Variants in TNR observed in about 807,000 individuals in gnomAD.
TNR encodes tenascin-R.
Under a neutral mutation model 150.4 loss-of-function variants are expected in TNR, and 45 were observed. That is an observed-to-expected ratio of 0.30 (90% CI 0.24 to 0.38). The LOEUF is 0.38. Ranked by LOEUF, TNR falls within the 10% of genes least tolerant of loss-of-function variation. The probability of loss-of-function intolerance (pLI) is 1.00; values close to 1 mark genes in which losing one functional copy is unlikely to be tolerated. For synonymous variants in TNR, 687 were observed against 678.4 expected (o/e 1.01, Z -0.20); for missense variants, 1,544 against 1,759.1 (o/e 0.88, Z 2.19).
intron 1 of TNR, among the ~76,000 whole-genome samples, chr1:175,676,161 A>G (rs1247964873): frequency 6.6e-6 from 1 of 152,162 alleles, no homozygotes; most frequent in Non-Finnish European, 1.5e-5. Flanking sequence ...TAGGGCAAGA[A>G]AGCTGCGATT....
chr1:175,493,682 T>C (rs1428944455), intron 2 of TNR, among the ~76,000 whole-genome samples: 1 of 152,242 alleles, frequency 6.6e-6, no homozygotes, highest in African/African-American at 2.4e-5. Flanking sequence ...TTGGTGTCTA[T>C]GTTTAGCTTC....
At chr1:175,363,378 C>A (rs1010933504) in intron 13 of TNR, among the ~76,000 whole-genome samples, 4 of 152,232 alleles carry the variant, frequency 2.6e-5, no homozygotes, top group African/African-American at 9.6e-5. Flanking sequence ...TCTTGAACTT[C>A]ATTCTTGTAG....
chr1:175,548,303 C>T (rs574298227), intron 1 of TNR, among the ~76,000 whole-genome samples: 1 of 152,076 alleles, frequency 6.6e-6, no homozygotes, highest in Admixed American at 6.6e-5. Context: ...AGAGGAAGCA[C>T]AGAGACCCTT....
At chr1:175,604,134 C>T (rs1663339502) in intron 1 of TNR, among the ~76,000 whole-genome samples, 2 of 151,990 alleles carry the variant, frequency 1.3e-5, no homozygotes, top group Admixed American at 1.3e-4. Context: ...CTTCCCCGCT[C>T]CCCTCTTCTA....
chr1:175,695,522 C>T (rs931069632), intron 1 of TNR, among the ~76,000 whole-genome samples: 9 of 152,296 alleles, frequency 5.9e-5, no homozygotes, highest in Non-Finnish European at 5.9e-5. Context: ...ATAATTAGTA[C>T]GGTTTGAGTC....
At chr1:175,364,327 C>CTTTT (rs71129505) in intron 12 of TNR, among the ~76,000 whole-genome samples, 1 of 142,522 alleles carries the variant, frequency 7.0e-6, no homozygotes, top group Non-Finnish European at 1.5e-5. Context: ...ATGCTATGGG[C>CTTTT]TTTTTTTTTT....
At chr1:175,377,835 C>T (rs1207497330) in intron 9 of TNR, among the ~76,000 whole-genome samples, 3 of 152,176 alleles carry the variant, frequency 2.0e-5, no homozygotes, top group Non-Finnish European at 4.4e-5. Flanking sequence ...TCTGTGAGCA[C>T]ATTGGCAGCT....
intron 22 of TNR, 87 bp from the exon 23 acceptor site, chr1:175,323,563 A>G (rs1393998650): frequency 1.3e-6 from 2 of 1,554,146 alleles, no homozygotes; most frequent in African/African-American, 1.4e-5. Flanking sequence ...GGAACAGGGA[A>G]TCCACAATGT....
intron 2 of TNR, among the ~76,000 whole-genome samples, chr1:175,463,757 C>A (rs997870810): frequency 2.0e-5 from 3 of 152,162 alleles, no homozygotes; most frequent in African/African-American, 4.8e-5. Flanking sequence ...TCAAGATTAC[C>A]CCTTCCCCAC....
At chr1:175,455,122 A>G (rs954623809) in intron 2 of TNR, among the ~76,000 whole-genome samples, 1 of 152,218 alleles carries the variant, frequency 6.6e-6, no homozygotes, top group African/African-American at 2.4e-5. Flanking sequence ...GAGTTATGCC[A>G]GCAGTGGGCC....
rs116884616 is a variant in TNR at position 175,589,617 on chromosome 1, G to A, written c.-164-61248C>T. 1.7e-3 allele frequency among the ~76,000 whole-genome samples: 259 copies of A among 152,184 alleles called. 4 individuals carry two copies. In the East Asian group the frequency reaches 0.042, roughly 25 times the overall value. ...ATTTTAAGTTAAGACAGAATCAGAG[G>A]CTGGATAAAGAAAATGTGGCACATA... On this transcript the variant is annotated intron_variant, in intron 1 of 22. Coordinates refer to ENST00000367674, the MANE Select transcript of TNR (RefSeq NM_003285.3).
intron 2 of TNR, among the ~76,000 whole-genome samples, chr1:175,487,309 T>TAATGCTTACTGGCCC (rs1237808354): frequency 2.0e-5 from 3 of 152,168 alleles, no homozygotes; most frequent in African/African-American, 7.2e-5. Flanking sequence ...GCTCAGGTGG[T>TAATGCTTACTGGCCC]AATGCTTACT....
At chr1:175,531,516 G>A (rs1006354163) in intron 1 of TNR, among the ~76,000 whole-genome samples, 1 of 152,146 alleles carries the variant, frequency 6.6e-6, no homozygotes, top group African/African-American at 2.4e-5. Flanking sequence ...CAGGGCTCAT[G>A]GTCCCAAATC....
intron 20 of TNR, among the ~76,000 whole-genome samples, chr1:175,334,252 T>C (rs181759496): frequency 5.9e-5 from 9 of 152,320 alleles, no homozygotes; most frequent in Admixed American, 5.9e-4. Context: ...CCCTCCTCAC[T>C]CATTTCTGGG....
chr1:175,586,254 G>C lies in TNR; in HGVS notation c.-164-57885C>G, dbSNP rs981507931. ...TTGTAGTCAGGAGGAATCCTATCTGGAGATGCCAGGTGCTCCAAACATAGC... is the reference window on the plus strand; with the variant it reads ...TTGTAGTCAGGAGGAATCCTATCTGCAGATGCCAGGTGCTCCAAACATAGC... On this transcript the variant is annotated intron_variant, in intron 1 of 22. Transcript: ENST00000367674. Among the ~76,000 whole-genome samples, 10 of 152,138 alleles carry C rather than the reference G, an allele frequency of 6.6e-5. No homozygotes were observed. The East Asian group carries it at 1.9e-3, about 29-fold the overall frequency.
intron 2 of TNR, among the ~76,000 whole-genome samples, chr1:175,436,243 G>A (rs1655501983): frequency 6.6e-6 from 1 of 152,122 alleles, no homozygotes; most frequent in South Asian, 2.1e-4. Flanking sequence ...TTTCCAACTT[G>A]GTTCCATTCT....
rs559287896 is a variant in TNR, at chr1:175,723,560, G to A, written c.-165+19666C>T. ...TTATATATATGGTTAGAATATATAC[G>A]TATGTATTTCTAAACTGATAAATTT... On this transcript the variant is annotated intron_variant, in intron 1 of 22. Coordinates refer to ENST00000367674, the MANE Select transcript of TNR (RefSeq NM_003285.3). 2.8e-4 allele frequency among the ~76,000 whole-genome samples: 42 copies of A among 152,256 alleles called. No individual in the cohort carries two copies. The South Asian group carries it at 5.0e-3, about 18-fold the overall frequency.
At chr1:175,539,509 G>C (rs1486876288) in intron 1 of TNR, among the ~76,000 whole-genome samples, 1 of 152,236 alleles carries the variant, frequency 6.6e-6, no homozygotes, top group African/African-American at 2.4e-5. Context: ...AAATCGGAAA[G>C]ATTATCTCAG....
intron 3 of TNR, 61 bp from the exon 4 acceptor site, chr1:175,403,677 G>A: frequency 7.1e-7 from 1 of 1,410,378 alleles, no homozygotes; most frequent in Non-Finnish European, 9.8e-7. Flanking sequence ...ATGGTGCTGG[G>A]GAAGGATGGG....
Sources: allele counts gnomAD v4.1 joint callset (sites outside exome capture counted in the v4.1 genomes callset), GRCh38; gene constraint gnomAD v4.1.1; transcripts MANE v1.5; gene names NCBI Gene and HGNC (gene_info 2026-07-23, HGNC 2026-07-21).